Variants in BBS9 observed in about 807,000 individuals in gnomAD.
BBS9 encodes the protein protein PTHB1.
In BBS9, 89 loss-of-function variants were observed where a neutral mutation model predicts 117.7. The observed-to-expected ratio is 0.76, with a 90% CI of 0.64 to 0.90. The LOEUF (loss-of-function observed/expected upper bound fraction) is 0.90. Among genes scored for constraint, BBS9 ranks in the 40% least tolerant of loss-of-function variants. The pLI is 0.00. For synonymous variants in BBS9, 379 were observed against 370.9 expected, an observed-to-expected ratio of 1.02 and a Z score of -0.25; for missense variants, 982 against 1,042.2, an observed-to-expected ratio of 0.94 and a Z score of 0.80.
intron 9 of BBS9, among the ~76,000 whole-genome samples, chr7:33,294,483 T>A (rs1246544529): frequency 2.0e-5 from 3 of 152,042 alleles, no homozygotes; most frequent in Non-Finnish European, 4.4e-5. Flanking sequence ...GGCAGAGGCA[T>A]CTTGGCTGGA....
intron 2 of BBS9, among the ~76,000 whole-genome samples, chr7:33,148,309 C>T (rs1285863135): frequency 6.6e-6 from 1 of 152,014 alleles, no homozygotes; most frequent in Non-Finnish European, 1.5e-5. Context: ...GGACTGTAAC[C>T]TGGAGAATAT....
chr7:33,301,907 G>T (rs1025383472), intron 9 of BBS9, among the ~76,000 whole-genome samples: 1 of 152,076 alleles, frequency 6.6e-6, no homozygotes, highest in Non-Finnish European at 1.5e-5. Flanking sequence ...ATGTATGAGG[G>T]TTCCCTTTTC....
At chr7:33,318,856 T>C (rs1050513240) in intron 9 of BBS9, among the ~76,000 whole-genome samples, 3 of 152,126 alleles carry the variant, frequency 2.0e-5, no homozygotes, top group Non-Finnish European at 4.4e-5. Flanking sequence ...ATTCCTGAGT[T>C]ACTTCACTTA....
At chr7:33,259,012 A>G (rs998937013) in intron 6 of BBS9, among the ~76,000 whole-genome samples, 1 of 152,208 alleles carries the variant, frequency 6.6e-6, no homozygotes, top group Non-Finnish European at 1.5e-5. Context: ...ATACGAGATT[A>G]TTGTGAAATG....
At chr7:33,209,547 T>C (rs2128223178) in intron 5 of BBS9, among the ~76,000 whole-genome samples, 1 of 152,348 alleles carries the variant, frequency 6.6e-6, no homozygotes, top group East Asian at 1.9e-4. Flanking sequence ...ATTGTACTAA[T>C]TATTCCCATC....
Position 33,340,875 on chromosome 7 carries a change from T to G in BBS9, c.1199-22T>G, listed in dbSNP as rs745602678. 10 of 1,601,100 alleles carry G rather than the reference T, an allele frequency of 6.2e-6. No homozygotes were observed. In the South Asian group the frequency reaches 1.1e-4, roughly 18 times the overall value. ...AAAGTTTTACTTTATGATTAAATAA[T>G]TTTTCTTTTTTTAAATCACAGGTGT... On this transcript the variant is annotated intron_variant, in intron 10 of 22. Coordinates refer to ENST00000242067, the MANE Select transcript of BBS9 (RefSeq NM_198428.3).
chr7:33,370,861 C>G (rs1822733535), intron 17 of BBS9, among the ~76,000 whole-genome samples: 1 of 152,074 alleles, frequency 6.6e-6, no homozygotes, highest in African/African-American at 2.4e-5. Flanking sequence ...TCTATTTGTA[C>G]ATTGCCTTGT....
At chr7:33,188,111 T>TGTGTGTGTGTGTGGGGGG (rs1783443171) in intron 5 of BBS9, among the ~76,000 whole-genome samples, 1 of 5,000 alleles carries the variant, frequency 2.0e-4, no homozygotes, top group African/African-American at 7.4e-4. Context: ...TGTGTGTGTG[T>TGTGTGTGTGTGTGGGGGG]GGCGGGTGGG....
intron 19 of BBS9, among the ~76,000 whole-genome samples, chr7:33,473,321 A>AC (rs1841334767): frequency 1.6e-5 from 1 of 62,036 alleles, no homozygotes; most frequent in Non-Finnish European, 3.5e-5. Flanking sequence ...CCCTCACCCC[A>AC]CCCCCTCACC....
At chr7:33,607,138 CTG>C (rs1403796578), downstream of BBS9, among the ~76,000 whole-genome samples, 1 of 152,104 alleles carries the variant, frequency 6.6e-6, no homozygotes, top group Non-Finnish European at 1.5e-5. Flanking sequence ...TTGGACATAA[CTG>C]TTCTTGGATT....
At chr7:33,453,206 A>G (rs976529047) in intron 19 of BBS9, among the ~76,000 whole-genome samples, 1 of 152,148 alleles carries the variant, frequency 6.6e-6, no homozygotes, top group African/African-American at 2.4e-5. Flanking sequence ...GCATGGTCTT[A>G]TGTTGTGGAG....
intron 19 of BBS9, among the ~76,000 whole-genome samples, chr7:33,415,272 A>G (rs2128835143): frequency 6.6e-6 from 1 of 152,338 alleles, no homozygotes; most frequent in East Asian, 1.9e-4. Flanking sequence ...CAAGTTAGGG[A>G]GAAAGCTAAT....
At chr7:33,502,956 C>G (rs1845649644) in intron 19 of BBS9, among the ~76,000 whole-genome samples, 1 of 152,138 alleles carries the variant, frequency 6.6e-6, no homozygotes, top group African/African-American at 2.4e-5. Flanking sequence ...TTCTTCAGTA[C>G]TCTCTCTTTC....
intron 9 of BBS9, among the ~76,000 whole-genome samples, chr7:33,282,249 A>C (rs926120682): frequency 6.6e-6 from 1 of 152,270 alleles, no homozygotes; most frequent in African/African-American, 2.4e-5. Context: ...TTAAAGTTAC[A>C]TGAGTCTTAT....
chr7:33,477,192 A>G (rs1326697804), intron 19 of BBS9, among the ~76,000 whole-genome samples: 2 of 152,190 alleles, frequency 1.3e-5, no homozygotes, highest in Non-Finnish European at 2.9e-5. Flanking sequence ...AATACACTAA[A>G]TGCACTTTGA....
At chr7:33,599,286 T>C (rs1301199075) in intron 21 of BBS9, among the ~76,000 whole-genome samples, 1 of 152,140 alleles carries the variant, frequency 6.6e-6, no homozygotes, top group Non-Finnish European at 1.5e-5. Flanking sequence ...ACTTTTCTCT[T>C]TGCTGGAGAG....
intron 21 of BBS9, among the ~76,000 whole-genome samples, chr7:33,600,041 G>A (rs954878311): frequency 9.2e-5 from 14 of 152,196 alleles, no homozygotes; most frequent in South Asian, 6.2e-4. Flanking sequence ...GAGTTTGCTG[G>A]TATTTGAACC....
intron 20 of BBS9, 50 bp downstream of exon 20, chr7:33,505,695 C>A: frequency 6.3e-7 from 1 of 1,593,302 alleles, no homozygotes; most frequent in South Asian, 1.1e-5. Flanking sequence ...ATTGAAGTTT[C>A]GGCTTTAGGA....
chr7:33,502,645 A>G (rs1400646090), intron 19 of BBS9, among the ~76,000 whole-genome samples: 1 of 152,088 alleles, frequency 6.6e-6, no homozygotes, highest in Non-Finnish European at 1.5e-5. Flanking sequence ...ATGTGGGAGG[A>G]GCTGACTGAG....
Sources: allele counts gnomAD v4.1 joint callset (sites outside exome capture counted in the v4.1 genomes callset), GRCh38; gene constraint gnomAD v4.1.1; transcripts MANE v1.5; gene names NCBI Gene and HGNC (gene_info 2026-07-23, HGNC 2026-07-21).